The following APOOL variants were observed in gnomAD, a reference collection of about 807,000 sequenced individuals.
The protein encoded by APOOL is apolipoprotein O like, also known as MICOS complex subunit MIC27.
Under a neutral mutation model 23.1 loss-of-function variants are expected in APOOL, and 12 were observed. That is an observed-to-expected ratio of 0.52 (90% CI 0.33 to 0.84). The LOEUF (loss-of-function observed/expected upper bound fraction) is 0.84, where lower values mean the gene tolerates loss of function less well. APOOL is among the 40% of genes least tolerant of loss of function. APOOL has a pLI of 0.02. For synonymous variants in APOOL, 77 were observed against 69.9 expected (o/e 1.10, Z -0.51); for missense variants, 212 against 199.6 (o/e 1.06, Z -0.37).
chrX:85,019,102 A>C (rs1921572708), intron 1 of APOOL, among the ~76,000 whole-genome samples: 1 of 111,560 alleles, frequency 9.0e-6, no homozygotes, highest in Non-Finnish European at 1.9e-5. Flanking sequence ...TCCTCTTGGC[A>C]CTGGTTGTGG....
At chrX:85,035,851 A>G (rs1922199481) in intron 1 of APOOL, among the ~76,000 whole-genome samples, 1 of 111,798 alleles carries the variant, frequency 8.9e-6, no homozygotes, top group Non-Finnish European at 1.9e-5. Flanking sequence ...CTGTTTTTGT[A>G]CCAGTACTAT....
At chrX:85,073,322 G>C (rs939687233) in intron 6 of APOOL, among the ~76,000 whole-genome samples, 5 of 111,149 alleles carry the variant, frequency 4.5e-5, no homozygotes, top group Non-Finnish European at 9.4e-5. Flanking sequence ...CAAAAGCATT[G>C]GAGAAGAATA....
chrX:85,043,264 CCT>C (rs908305465), intron 1 of APOOL, among the ~76,000 whole-genome samples: 2 of 111,315 alleles, frequency 1.8e-5, no homozygotes, highest in Admixed American at 1.9e-4. Context: ...TAAGGTCTTT[CCT>C]CTCGTGAAAA....
At chrX:85,033,003 AG>A (rs1221137046) in intron 1 of APOOL, among the ~76,000 whole-genome samples, 1 of 112,365 alleles carries the variant, frequency 8.9e-6, no homozygotes, top group African/African-American at 3.2e-5. Flanking sequence ...AGGTATAGAT[AG>A]TGGACCTGAA....
rs750857414 is a variant in APOOL, at chrX:85,063,459, C to T, written c.395-3668C>T. Among the ~76,000 whole-genome samples, 4 of 111,604 alleles carry T rather than the reference C, an allele frequency of 3.6e-5. No homozygotes were observed. In the East Asian group the frequency reaches 1.1e-3, roughly 32 times the overall value. On this transcript the variant is annotated intron_variant, in intron 5 of 8. Transcript: ENST00000373173. ...CTTGTGCCAGTTTTCAAGAGGAATGCTTCCAGCCTTTGCCCATTCATTATG... is the reference window on the plus strand; with the variant it reads ...CTTGTGCCAGTTTTCAAGAGGAATGTTTCCAGCCTTTGCCCATTCATTATG...
intron 8 of APOOL, among the ~76,000 whole-genome samples, chrX:85,078,936 A>AT (rs1431191260): frequency 1.8e-5 from 2 of 111,662 alleles, no homozygotes; most frequent in Non-Finnish European, 3.8e-5. Flanking sequence ...TTGCACATTG[A>AT]TTTTGTATCC....
intron 2 of APOOL, 102 bp from the exon 3 acceptor site, chrX:85,051,287 G>C (rs987304121): frequency 1.1e-6 from 1 of 936,076 alleles, no homozygotes; most frequent in African/African-American, 2.0e-5. Flanking sequence ...ATTTTTAGTT[G>C]TTTTTAGAAA....
intron 2 of APOOL, among the ~76,000 whole-genome samples, chrX:85,049,815 TAATC>T (rs1414171421): frequency 3.6e-5 from 4 of 110,507 alleles, no homozygotes; most frequent in African/African-American, 9.9e-5. Flanking sequence ...AAAAACAACT[TAATC>T]AGCAGGTTTT....
intron 1 of APOOL, among the ~76,000 whole-genome samples, chrX:85,028,263 C>T (rs778981530): frequency 9.0e-6 from 1 of 111,473 alleles, no homozygotes; most frequent in Non-Finnish European, 1.9e-5. Context: ...TTGCTAGAGA[C>T]CATCAGCATT....
rs1923110767 is a variant in APOOL, at chrX:85,059,564, G to C, written c.394+3639G>C. ...GTTGTTTCCTGACTTTTTAATGATT[G>C]CCATTCTAACTGGTGTGAGATGGTA... On this transcript the variant is annotated intron_variant, in intron 5 of 8. Coordinates refer to ENST00000373173, the MANE Select transcript of APOOL (RefSeq NM_198450.6). Among the ~76,000 whole-genome samples, 3 of 109,163 alleles carry C rather than the reference G, an allele frequency of 2.7e-5. No homozygotes were observed. The South Asian group carries it at 1.2e-3, about 45-fold the overall frequency. The allele number at this position is 109,163 out of a possible 115,157, so 94.8% of individuals were successfully genotyped here. A position where few individuals can be genotyped will look rare whatever the true frequency, so the allele number is the denominator to read the frequency against.
intron 2 of APOOL, among the ~76,000 whole-genome samples, chrX:85,050,512 T>C (rs1273487468): frequency 9.1e-6 from 1 of 109,305 alleles, no homozygotes; most frequent in African/African-American, 3.3e-5. Flanking sequence ...ATCATCTAGT[T>C]CCCTTGATGT....
At chrX:85,046,210 C>A in intron 1 of APOOL, 1 of 273,977 alleles carries the variant, frequency 3.6e-6, no homozygotes, top group East Asian at 6.6e-5. Context: ...TATTATATTG[C>A]TATATTTCTT....
intron 5 of APOOL, among the ~76,000 whole-genome samples, chrX:85,061,605 C>T (rs1023249331): frequency 9.0e-6 from 1 of 111,593 alleles, no homozygotes; most frequent in Middle Eastern, 4.7e-3. Flanking sequence ...CTGGTTTAGT[C>T]TTGGGAAGAT....
At position 85,044,270 on chromosome X, in the gene APOOL, G is replaced by GTGTGTA. The variant is rs576516932; in HGVS notation, c.16-2175_16-2174insGTGTAT. On this transcript the variant is annotated intron_variant, in intron 1 of 8. Transcript: ENST00000373173. ...CTCATATTTATGTGTGTGTGTGTGTGTATATATATATATATGTATTTTTTT... is the reference window on the plus strand; with the variant it reads ...CTCATATTTATGTGTGTGTGTGTGTGTGTGTATATATATATATATATGTATTTTTTT... Among the ~76,000 whole-genome samples, 7 of 107,398 alleles carry GTGTGTA rather than the reference G, an allele frequency of 6.5e-5. No homozygotes were observed. In the South Asian group the frequency reaches 2.6e-3, roughly 39 times the overall value. 93.3% of individuals were successfully genotyped at this position (107,398 alleles called of 115,157 possible). A position where few individuals can be genotyped will look rare whatever the true frequency, so the allele number is the denominator to read the frequency against.
chrX:85,088,090 ATACATATACATATTTATACAT>A lies in APOOL; in HGVS notation c.*413_*433del, dbSNP rs1285050662. ...TAAATACATATACATATATGTATAA[ATACATATACATATTTATACAT>A]ATATGTATAAATACATACATATTTA... is the stretch of plus-strand genomic sequence containing the variant. On this transcript the variant is annotated 3_prime_UTR_variant, in exon 9 of 9. Transcript: ENST00000373173. 5.7e-3 allele frequency: 3 copies of A among 527 alleles called. No homozygotes were observed. Among genetic ancestry groups the A allele is most frequent in the African/African-American group, 0.013 (3 of 233 alleles). The allele number at this position is 527 out of a possible 1,213,427, so 0.0% of individuals were successfully genotyped here. A position where few individuals can be genotyped will look rare whatever the true frequency, so the allele number is the denominator to read the frequency against.
intron 6 of APOOL, among the ~76,000 whole-genome samples, chrX:85,071,857 A>C (rs747860198): frequency 1.2e-4 from 13 of 112,121 alleles, no homozygotes; most frequent in Non-Finnish European, 2.3e-4. Context: ...CACTTTGGGA[A>C]GCCGAGGCAG....
chrX:85,067,146 T>A lies in APOOL; in HGVS notation c.414T>A (p.Ile138=). 1 of 1,155,701 alleles carries A rather than the reference T, an allele frequency of 8.7e-7. No individual in the cohort carries two copies. Among genetic ancestry groups the A allele is most frequent in the Non-Finnish European group, 1.2e-6 (1 of 864,195 alleles). ...TTATAGGTTCCAAGTTTAAGAAAATTACTTATCCTCTGGGACTGGCCACTT... is the reference window on the plus strand; with the variant it reads ...TTATAGGTTCCAAGTTTAAGAAAATAACTTATCCTCTGGGACTGGCCACTT... ...SARKGSKFKK[I]TYPLGLATLG... The change falls in exon 6 of 9, where the codon ATT becomes ATA. Residue 138 remains isoleucine, a synonymous_variant. Coordinates refer to ENST00000373173, the MANE Select transcript of APOOL (RefSeq NM_198450.6).
At chrX:85,059,626 CAG>C (rs1356287806) in intron 5 of APOOL, among the ~76,000 whole-genome samples, 1 of 109,548 alleles carries the variant, frequency 9.1e-6, no homozygotes, top group Admixed American at 9.7e-5. Flanking sequence ...CTCTGATGGC[CAG>C]TGATGATGAG....
chrX:85,086,839 A>G (rs1187626833), intron 8 of APOOL, among the ~76,000 whole-genome samples: 2 of 76,100 alleles, frequency 2.6e-5, no homozygotes, highest in African/African-American at 5.2e-5. Flanking sequence ...AGCTGGGACT[A>G]CAGGCGCCCG....
Sources: allele counts gnomAD v4.1 joint callset (sites outside exome capture counted in the v4.1 genomes callset), GRCh38; gene constraint gnomAD v4.1.1; transcripts MANE v1.5; gene names NCBI Gene and HGNC (gene_info 2026-07-23, HGNC 2026-07-21).